Variants in GPC5 observed in about 807,000 individuals in gnomAD.
GPC5 encodes glypican-5.
GPC5 carries 47 observed loss-of-function variants against 53.9 expected under a neutral mutation model. The ratio of observed to expected loss-of-function variants is 0.87; its 90% CI spans 0.69 to 1.11. GPC5 has a LOEUF of 1.11. GPC5 is among the 50% of genes most tolerant of loss of function. The pLI, the probability that GPC5 is intolerant of heterozygous loss-of-function variation, is 0.00. For synonymous variants in GPC5, 286 were observed against 263.3 expected, an observed-to-expected ratio of 1.09 and a Z score of -0.84; for missense variants, 748 against 713.1, an observed-to-expected ratio of 1.05 and a Z score of -0.56.
chr13:91,549,820 T>C (rs868787127), intron 2 of GPC5, among the ~76,000 whole-genome samples: 4 of 152,124 alleles, frequency 2.6e-5, no homozygotes, highest in Non-Finnish European at 5.9e-5. Context: ...GAATGCAAAA[T>C]AGTGCAGCTA....
At chr13:91,547,886 T>C (rs1264607412) in intron 2 of GPC5, among the ~76,000 whole-genome samples, 3 of 152,162 alleles carry the variant, frequency 2.0e-5, no homozygotes, top group Non-Finnish European at 4.4e-5. Context: ...TCTCAATAGA[T>C]GCAGAAAATG....
In GPC5 at chr13:92,105,095, G is replaced by T. The variant is rs145506360; in HGVS notation, c.1402-39735G>T. Among the ~76,000 whole-genome samples, 130 of 151,332 alleles carry T rather than the reference G, an allele frequency of 8.6e-4. 1 individual carries two copies. The highest frequency in any genetic ancestry group is 3.0e-3 in the African/African-American group (124 of 41,270). On this transcript the variant is annotated intron_variant, in intron 6 of 7. Transcript: ENST00000377067. ...TTAGGATATTCCTAACTTTTTAATT[G>T]ATTTTTTTTTTCCTGCAAGGAAAAA...
At chr13:92,008,164 G>A (rs762734891) in intron 6 of GPC5, among the ~76,000 whole-genome samples, 3 of 149,178 alleles carry the variant, frequency 2.0e-5, no homozygotes, top group Non-Finnish European at 4.4e-5. Flanking sequence ...CCGGGTTCAC[G>A]CCATTCTCCT....
At chr13:91,419,368 G>A (rs1333131144) in intron 1 of GPC5, among the ~76,000 whole-genome samples, 2 of 152,076 alleles carry the variant, frequency 1.3e-5, no homozygotes, top group African/African-American at 4.8e-5. Context: ...TAGTTATAAG[G>A]TTAGGACACA....
At chr13:92,227,409 G>C (rs776438034) in intron 7 of GPC5, among the ~76,000 whole-genome samples, 4 of 152,108 alleles carry the variant, frequency 2.6e-5, no homozygotes, top group Non-Finnish European at 4.4e-5. Flanking sequence ...ATGGTATTTC[G>C]CAGAAGGAAA....
At chr13:92,086,186 A>C (rs1280024003) in intron 6 of GPC5, among the ~76,000 whole-genome samples, 1 of 152,180 alleles carries the variant, frequency 6.6e-6, no homozygotes, top group Non-Finnish European at 1.5e-5. Context: ...CTCCCAAATC[A>C]ATCCTTCACC....
chr13:91,473,435 T>C (rs1399273956), intron 2 of GPC5, among the ~76,000 whole-genome samples: 1 of 152,114 alleles, frequency 6.6e-6, no homozygotes, highest in Non-Finnish European at 1.5e-5. Context: ...TATAACATGG[T>C]TGGTTATAGA....
intron 7 of GPC5, among the ~76,000 whole-genome samples, chr13:92,726,415 C>G (rs1888649564): frequency 6.6e-6 from 1 of 151,434 alleles, no homozygotes; most frequent in Non-Finnish European, 1.5e-5. Context: ...TGTCTTGAGA[C>G]AGGATCTAAC....
At chr13:92,714,453 G>C (rs1888257605) in intron 7 of GPC5, among the ~76,000 whole-genome samples, 2 of 151,928 alleles carry the variant, frequency 1.3e-5, no homozygotes, top group Admixed American at 1.3e-4. Context: ...TTTCTGTTTT[G>C]TTTCATTAGT....
intron 6 of GPC5, among the ~76,000 whole-genome samples, chr13:92,118,052 C>T (rs562503001): frequency 2.6e-5 from 4 of 152,086 alleles, no homozygotes; most frequent in Non-Finnish European, 5.9e-5. Context: ...AGAGAGTCGC[C>T]ATTAAGTGTA....
At chr13:91,492,308 A>T (rs1031706366) in intron 2 of GPC5, among the ~76,000 whole-genome samples, 6 of 152,200 alleles carry the variant, frequency 3.9e-5, no homozygotes, top group Non-Finnish European at 8.8e-5. Context: ...AATGAGATTT[A>T]TTACAGGAAT....
chr13:92,109,061 G>GT (rs35762919), intron 6 of GPC5, among the ~76,000 whole-genome samples: 34,744 of 87,710 alleles, frequency 0.4, 8,200 homozygotes, highest in East Asian at 0.62. Flanking sequence ...CAATATGTTG[G>GT]TTTTTTTTTT....
At chr13:92,836,972 C>T (rs1878241932) in intron 7 of GPC5, among the ~76,000 whole-genome samples, 1 of 151,580 alleles carries the variant, frequency 6.6e-6, no homozygotes, top group Non-Finnish European at 1.5e-5. Flanking sequence ...AAATTTTTTT[C>T]TAAAAATATT....
chr13:91,829,754 T>A (rs55641391), intron 5 of GPC5, among the ~76,000 whole-genome samples: 21,063 of 151,886 alleles, frequency 0.14, 1,612 homozygotes, highest in African/African-American at 0.2. Flanking sequence ...GGGGGAGACA[T>A]CACATGTCGG....
intron 5 of GPC5, among the ~76,000 whole-genome samples, chr13:91,793,926 C>T (rs1026517593): frequency 2.0e-5 from 3 of 152,228 alleles, no homozygotes; most frequent in African/African-American, 7.2e-5. Flanking sequence ...GATTACAATT[C>T]GAGATGAGAT....
intron 6 of GPC5, among the ~76,000 whole-genome samples, chr13:92,050,206 C>T (rs2041016066): frequency 6.6e-6 from 1 of 152,096 alleles, no homozygotes; most frequent in South Asian, 2.1e-4. Flanking sequence ...TAGAGTTCAT[C>T]CTCATGATAT....
At chr13:92,765,219 T>C (rs1875349074) in intron 7 of GPC5, among the ~76,000 whole-genome samples, 1 of 152,182 alleles carries the variant, frequency 6.6e-6, no homozygotes, top group Non-Finnish European at 1.5e-5. Flanking sequence ...GGTCTTCTTA[T>C]TGATTTGGGG....
intron 7 of GPC5, among the ~76,000 whole-genome samples, chr13:92,810,289 C>G (rs1877248693): frequency 6.6e-6 from 1 of 151,660 alleles, no homozygotes; most frequent in East Asian, 1.9e-4. Flanking sequence ...CCGTATACAT[C>G]TCTAGGTAAA....
intron 6 of GPC5, among the ~76,000 whole-genome samples, chr13:92,009,842 A>G (rs1409756232): frequency 1.3e-5 from 2 of 152,176 alleles, no homozygotes; most frequent in African/African-American, 4.8e-5. Flanking sequence ...CTCACAGGTC[A>G]TAGTTCTGTG....
Sources: gnomAD v4.1 joint callset for allele counts (sites outside exome capture counted in the v4.1 genomes callset) on GRCh38, gnomAD v4.1.1 for gene constraint, MANE v1.5 for transcripts, NCBI Gene and HGNC (gene_info 2026-07-23, HGNC 2026-07-21) for gene names.